ZC4H2: variants seen among roughly 807,000 people sequenced by gnomAD.
ZC4H2 encodes zinc finger C4H2 domain-containing protein.
For synonymous variants in ZC4H2, 84 were observed against 66.3 expected (o/e 1.27, Z -1.30); for missense variants, 137 against 173.9 (o/e 0.79, Z 1.19).
intron 1 of ZC4H2, among the ~76,000 whole-genome samples, chrX:64,997,510 G>A (rs995195101): frequency 2.4e-4 from 27 of 112,552 alleles, no homozygotes; most frequent in Non-Finnish European, 3.2e-4. Context: ...TGATTTAAGA[G>A]ACAAACTCGT....
chrX:65,011,914 C>T (rs1425843654), intron 1 of ZC4H2, among the ~76,000 whole-genome samples: 1 of 109,258 alleles, frequency 9.2e-6, no homozygotes, highest in African/African-American at 3.3e-5. Context: ...CAGGGTTTCA[C>T]CACGTTGGCC....
intron 1 of ZC4H2, among the ~76,000 whole-genome samples, chrX:64,936,414 T>C (rs1456636564): frequency 9.0e-6 from 1 of 110,680 alleles, no homozygotes; most frequent in Admixed American, 9.6e-5. Flanking sequence ...ATTCGGGAAA[T>C]ACAGAGAACA....
At chrX:64,918,066 AG>A (rs1929014734) in intron 4 of ZC4H2, 170 bp from the exon 5 acceptor site, 1 of 548,115 alleles carries the variant, frequency 1.8e-6, no homozygotes, top group African/African-American at 2.4e-5. Context: ...ATGGGAAGGA[AG>A]GACATAACCC....
At chrX:64,936,604 G>A (rs1390038956) in intron 1 of ZC4H2, among the ~76,000 whole-genome samples, 1 of 111,778 alleles carries the variant, frequency 8.9e-6, no homozygotes, top group Admixed American at 9.5e-5. Flanking sequence ...CCAGAAGAGA[G>A]TGGGGGCCAG....
intron 1 of ZC4H2, among the ~76,000 whole-genome samples, chrX:64,972,505 G>T (rs998102132): frequency 8.0e-5 from 9 of 112,001 alleles, no homozygotes; most frequent in Non-Finnish European, 1.7e-4. Context: ...GGAGATTTAG[G>T]ATTATAGCAG....
intron 1 of ZC4H2, among the ~76,000 whole-genome samples, chrX:64,969,341 C>A (rs576376811): frequency 1.8e-5 from 2 of 111,920 alleles, no homozygotes; most frequent in South Asian, 7.5e-4. Context: ...ACAAACTTGG[C>A]AGGCTCATCT....
intron 1 of ZC4H2, among the ~76,000 whole-genome samples, chrX:65,030,579 A>G (rs1044751216): frequency 1.8e-5 from 2 of 112,234 alleles, no homozygotes; most frequent in African/African-American, 6.5e-5. Context: ...TCATTAGATT[A>G]TAAGCTCTTT....
intron 1 of ZC4H2, 138 bp downstream of exon 1, chrX:64,976,187 C>A: frequency 1.5e-6 from 1 of 674,786 alleles, no homozygotes; most frequent in Non-Finnish European, 2.4e-6. Flanking sequence ...CCCCTCCCAT[C>A]CTCACCTCTC....
Position 64,920,257 on chromosome X carries a change from G to C in ZC4H2, c.226-4C>G. The C allele has an allele frequency of 8.3e-7, 1 of 1,208,418 alleles. No individual in the cohort carries two copies. The highest frequency in any genetic ancestry group is 1.1e-6 in the Non-Finnish European group (1 of 894,054). On this transcript the variant is annotated splice_polypyrimidine_tract_variant and splice_region_variant and intron_variant, in intron 2 of 4. Transcript: ENST00000374839. ...ATTGTTTGATAGTGTTTTCCATCTG[G>C]AACATAGAGTGGGATAGGCACAGAG...
chrX:64,962,313 A>G (rs1931426279), intron 1 of ZC4H2, among the ~76,000 whole-genome samples: 1 of 111,885 alleles, frequency 8.9e-6, no homozygotes. Context: ...TAACAGTCAC[A>G]TGATCATCTC....
intron 1 of ZC4H2, among the ~76,000 whole-genome samples, chrX:64,928,632 CCTTCTTCTTCTTCTT>C (rs753426558): frequency 1.2e-3 from 99 of 83,339 alleles, no homozygotes; most frequent in East Asian, 2.7e-3. Flanking sequence ...CCTGCTTTCT[CCTTCTTCTTCTTCTT>C]CTTCTTCTTC....
At chrX:65,033,817 G>A (rs765098491) in intron 1 of ZC4H2, among the ~76,000 whole-genome samples, 71 of 111,818 alleles carry the variant, frequency 6.3e-4, no homozygotes, top group Non-Finnish European at 1.2e-3. Context: ...GGCCGGGCAC[G>A]GTGGCTTACG....
intron 1 of ZC4H2, among the ~76,000 whole-genome samples, chrX:64,955,278 T>C (rs938338338): frequency 8.9e-6 from 1 of 111,755 alleles, no homozygotes; most frequent in African/African-American, 3.2e-5. Context: ...TCAATGCATG[T>C]TTTCTGGTTG....
intron 1 of ZC4H2, among the ~76,000 whole-genome samples, chrX:64,922,864 G>C (rs759360788): frequency 8.9e-6 from 1 of 112,213 alleles, no homozygotes; most frequent in Non-Finnish European, 1.9e-5. Context: ...AAACAGCCAC[G>C]TGTGGCTACT....
chrX:65,027,203 G>C (rs1932888236), intron 1 of ZC4H2, among the ~76,000 whole-genome samples: 1 of 112,165 alleles, frequency 8.9e-6, no homozygotes, highest in Non-Finnish European at 1.9e-5. Flanking sequence ...GTAGAGAATG[G>C]TAGGGGATAT....
At chrX:64,935,290 AG>A in intron 1 of ZC4H2, among the ~76,000 whole-genome samples, 1 of 112,011 alleles carries the variant, frequency 8.9e-6, no homozygotes, top group East Asian at 2.8e-4. Context: ...CTCTCTGGGC[AG>A]GGCATCTCTG....
At chrX:64,960,417 A>C (rs1392765849) in intron 1 of ZC4H2, among the ~76,000 whole-genome samples, 4 of 111,692 alleles carry the variant, frequency 3.6e-5, no homozygotes, top group African/African-American at 9.8e-5. Flanking sequence ...AGAAAACTAC[A>C]TAAGGCCAGG....
At chrX:64,932,212 T>A (rs1314214451) in intron 1 of ZC4H2, among the ~76,000 whole-genome samples, 1 of 111,489 alleles carries the variant, frequency 9.0e-6, no homozygotes, top group Non-Finnish European at 1.9e-5. Context: ...GTGTGGAATA[T>A]TTTTTACCAC....
At chrX:64,975,544 T>C (rs1346847798) in intron 1 of ZC4H2, among the ~76,000 whole-genome samples, 1 of 111,528 alleles carries the variant, frequency 9.0e-6, no homozygotes, top group Non-Finnish European at 1.9e-5. Context: ...AGAAAGACCT[T>C]GTGCCAGCCC....
Sources: gnomAD v4.1 joint callset for allele counts (sites outside exome capture counted in the v4.1 genomes callset) on GRCh38, gnomAD v4.1.1 for gene constraint, MANE v1.5 for transcripts, NCBI Gene and HGNC (gene_info 2026-07-23, HGNC 2026-07-21) for gene names.